Variants in CSMD3 observed in about 807,000 individuals in gnomAD.
CSMD3 encodes CUB and sushi domain-containing protein 3.
CSMD3 carries 177 observed loss-of-function variants against 435.2 expected under a neutral mutation model. That is an observed-to-expected ratio of 0.41 (90% confidence interval 0.36 to 0.46). CSMD3 has a LOEUF of 0.46. Among genes scored for constraint, CSMD3 ranks in the 20% least tolerant of loss-of-function variants. CSMD3 has a pLI of 0.34. For missense variants in CSMD3, 4,265 were observed against 4,504.6 expected (o/e 0.95, Z 1.52); for synonymous variants, 1,656 against 1,520.5 (o/e 1.09, Z -2.07).
chr8:112,998,342 TG>T (rs2131055335), intron 6 of CSMD3, among the ~76,000 whole-genome samples: 1 of 152,016 alleles, frequency 6.6e-6, no homozygotes, highest in Non-Finnish European at 1.5e-5. Flanking sequence ...AGGACACCTC[TG>T]GGTCTTTGTT....
At chr8:112,410,980 A>G (rs1379350791) in intron 32 of CSMD3, among the ~76,000 whole-genome samples, 8 of 146,594 alleles carry the variant, frequency 5.5e-5, no homozygotes, top group Non-Finnish European at 9.1e-5. Flanking sequence ...GAAAAGTACA[A>G]TACCGCATCC....
intron 5 of CSMD3, among the ~76,000 whole-genome samples, chr8:113,048,713 T>C (rs979946031): frequency 2.6e-5 from 4 of 152,174 alleles, no homozygotes; most frequent in African/African-American, 7.2e-5. Context: ...TGATACAGTA[T>C]TAAGATGACA....
chr8:112,314,753 C>T, intron 47 of CSMD3, 136 bp from the exon 48 acceptor site: 2 of 697,164 alleles, frequency 2.9e-6, no homozygotes, highest in Non-Finnish European at 2.5e-6. Context: ...TTAGAAGAGA[C>T]AAGTTGTATT....
intron 13 of CSMD3, among the ~76,000 whole-genome samples, chr8:112,757,397 C>T (rs1359929551): frequency 6.6e-6 from 1 of 151,810 alleles, no homozygotes; most frequent in Non-Finnish European, 1.5e-5. Context: ...TATATATATA[C>T]ATATATGTAA....
intron 32 of CSMD3, among the ~76,000 whole-genome samples, chr8:112,437,387 G>T (rs1369290252): frequency 6.6e-6 from 1 of 151,988 alleles, no homozygotes; most frequent in African/African-American, 2.4e-5. Context: ...TACAGAAAAA[G>T]TTTATGATTT....
chr8:112,332,292 A>G (rs896506369), intron 45 of CSMD3, among the ~76,000 whole-genome samples: 1 of 145,348 alleles, frequency 6.9e-6, no homozygotes, highest in African/African-American at 2.4e-5. Context: ...CCATGAGTTC[A>G]AATTATCAAG....
chr8:113,202,256 T>C (rs1236719713), intron 3 of CSMD3, among the ~76,000 whole-genome samples: 4 of 152,152 alleles, frequency 2.6e-5, no homozygotes, highest in African/African-American at 9.6e-5. Flanking sequence ...AAATGTTATT[T>C]CTTCTTAGTC....
At chr8:112,803,463 A>C (rs2079007247) in intron 12 of CSMD3, among the ~76,000 whole-genome samples, 1 of 152,142 alleles carries the variant, frequency 6.6e-6, no homozygotes, top group Non-Finnish European at 1.5e-5. Flanking sequence ...CTGTGCCCCC[A>C]AAAGTCACTT....
intron 5 of CSMD3, among the ~76,000 whole-genome samples, chr8:113,079,970 C>T (rs1324920496): frequency 1.3e-5 from 2 of 152,050 alleles, no homozygotes; most frequent in Non-Finnish European, 2.9e-5. Flanking sequence ...CTCCACATTT[C>T]TCCACTTCTA....
rs2093609481 is a variant in CSMD3 at position 113,281,045 on chromosome 8, T to C, written c.402-2341A>G. Among the ~76,000 whole-genome samples the C allele has an allele frequency of 2.0e-5, 3 of 152,010 alleles. No individual in the cohort carries two copies. In the South Asian group the frequency reaches 6.2e-4, roughly 32 times the overall value. On this transcript the variant is annotated intron_variant, in intron 2 of 70. Coordinates refer to ENST00000297405, the MANE Select transcript of CSMD3 (RefSeq NM_198123.2). ...TGCTTGATATAATTTTAATTTTTTC[T>C]TTATTTATTGAGGCTCGTTTTTGGC... is the stretch of plus-strand genomic sequence containing the variant.
intron 1 of CSMD3, among the ~76,000 whole-genome samples, chr8:113,409,751 A>C: frequency 6.6e-6 from 1 of 152,270 alleles, no homozygotes; most frequent in Middle Eastern, 3.4e-3. Context: ...GTTACACATT[A>C]TATTGACCTA....
intron 22 of CSMD3, among the ~76,000 whole-genome samples, chr8:112,598,649 T>C (rs1343368866): frequency 6.7e-6 from 1 of 149,850 alleles, no homozygotes; most frequent in African/African-American, 2.5e-5. Flanking sequence ...CAAAACAGCA[T>C]GGTACTGGTA....
chr8:113,119,576 A>G (rs192381427), intron 4 of CSMD3, among the ~76,000 whole-genome samples: 5 of 152,302 alleles, frequency 3.3e-5, no homozygotes, highest in African/African-American at 1.2e-4. Context: ...AAGAAACCAA[A>G]GACATAAAAA....
intron 31 of CSMD3, among the ~76,000 whole-genome samples, chr8:112,475,450 A>G (rs1441052918): frequency 6.6e-6 from 1 of 152,136 alleles, no homozygotes; most frequent in Non-Finnish European, 1.5e-5. Flanking sequence ...ACATAATTTT[A>G]TGTTTATTCT....
At chr8:112,615,983 A>G (rs2131492442) in intron 22 of CSMD3, among the ~76,000 whole-genome samples, 1 of 152,278 alleles carries the variant, frequency 6.6e-6, no homozygotes, top group East Asian at 1.9e-4. Flanking sequence ...AGTGGCCATG[A>G]AGCTTCTTTG....
chr8:112,406,547 T>C lies in CSMD3; in HGVS notation c.5786A>G (p.Asn1929Ser). Residue 1929 changes from asparagine (N) to serine (S), a missense_variant, in exon 35 of 71, where the codon AAT (asparagine) becomes AGT (serine). Physicochemically the swap from Asn to Ser is conservative, Grantham distance 46 (BLOSUM62 1). Around this residue, in one of 3 missense-constraint regions of CSMD3, gnomAD observed 3,255 missense variants for 3,380.2 expected, o/e 0.96. Transcript: ENST00000297405. ...ACCAATACAAGTAGGTAAGGAATCA[T>C]TCCACTGGGCCAAAGAATTGGGCAC... ...ETVPNSLAQW[N>S]DSLPTCIVPC... 1 of 1,609,836 alleles carries C rather than the reference T, an allele frequency of 6.2e-7. No individual in the cohort carries two copies. Among genetic ancestry groups the C allele is most frequent in the Non-Finnish European group, 8.5e-7 (1 of 1,176,804 alleles).
intron 22 of CSMD3, among the ~76,000 whole-genome samples, chr8:112,636,193 G>A (rs1223810361): frequency 1.3e-5 from 2 of 151,942 alleles, no homozygotes; most frequent in African/African-American, 4.8e-5. Context: ...CAAAGATTGA[G>A]ATGGTGACTT....
At chr8:113,095,144 A>T (rs1282367863) in intron 5 of CSMD3, among the ~76,000 whole-genome samples, 1 of 152,158 alleles carries the variant, frequency 6.6e-6, no homozygotes, top group East Asian at 1.9e-4. Flanking sequence ...CAATTTATTC[A>T]TAATATCTGT....
chr8:112,478,927 C>A (rs1367769710), intron 31 of CSMD3, among the ~76,000 whole-genome samples: 1 of 152,142 alleles, frequency 6.6e-6, no homozygotes, highest in Non-Finnish European at 1.5e-5. Flanking sequence ...AGCCCCAGAC[C>A]CAGCTATGCA....
Sources: allele counts gnomAD v4.1 joint callset (sites outside exome capture counted in the v4.1 genomes callset), GRCh38; gene constraint gnomAD v4.1.1; regional missense constraint gnomAD v4.1.1; transcripts MANE v1.5; gene names NCBI Gene and HGNC (gene_info 2026-07-23, HGNC 2026-07-21).